Variants in SHISA9 observed in about 807,000 individuals in gnomAD.
The protein encoded by SHISA9 is shisa family member 9.
SHISA9 carries 13 observed loss-of-function variants against 38.0 expected under a neutral mutation model. The observed-to-expected ratio is 0.34, with a 90% confidence interval of 0.22 to 0.54. The LOEUF is 0.54. Among genes scored for constraint, SHISA9 ranks in the 20% least tolerant of loss-of-function variants. The pLI, the probability that SHISA9 is intolerant of heterozygous loss-of-function variation, is 0.91. For synonymous variants in SHISA9, 275 were observed against 242.0 expected, an observed-to-expected ratio of 1.14 and a Z score of -1.27; for missense variants, 538 against 575.8, an observed-to-expected ratio of 0.93 and a Z score of 0.67.
At chr16:13,533,916 T>C in the SHISA9 span, among the ~76,000 whole-genome samples, 2 of 151,830 alleles carry the variant, frequency 1.3e-5, no homozygotes, top group Admixed American at 6.6e-5. Flanking sequence ...CCTGAGTAGC[T>C]GGGACTACAG....
chr16:13,208,502 C>T (rs1438708), intron 3 of SHISA9, among the ~76,000 whole-genome samples: 38,612 of 143,006 alleles, frequency 0.27, 5,864 homozygotes, highest in African/African-American at 0.43. Context: ...AGTGCCATGG[C>T]GCAATCTCGG....
intron 2 of SHISA9, among the ~76,000 whole-genome samples, chr16:12,977,029 C>A (rs1596560788): frequency 6.6e-6 from 1 of 152,142 alleles, no homozygotes; most frequent in Non-Finnish European, 1.5e-5. Context: ...GCAGAGAATG[C>A]CTTGGACACT....
intron 2 of SHISA9, among the ~76,000 whole-genome samples, chr16:12,943,105 A>G (rs771163464): frequency 2.0e-5 from 3 of 152,096 alleles, no homozygotes; most frequent in Non-Finnish European, 4.4e-5. Flanking sequence ...TGGAAAGTCC[A>G]TGATTGGGCT....
the SHISA9 span, among the ~76,000 whole-genome samples, chr16:13,299,700 G>A: frequency 2.1e-5 from 3 of 141,708 alleles, no homozygotes; most frequent in East Asian, 4.2e-4. Context: ...GCGACAGAGT[G>A]AGCCTCTGTC....
the SHISA9 span, among the ~76,000 whole-genome samples, chr16:13,256,486 G>A: frequency 1.3e-5 from 2 of 152,114 alleles, no homozygotes; most frequent in Admixed American, 6.6e-5. Context: ...TTCCGTGTTG[G>A]TCAGGCTGGT....
At chr16:13,345,246 CT>C in the SHISA9 span, among the ~76,000 whole-genome samples, 1 of 151,958 alleles carries the variant, frequency 6.6e-6, no homozygotes. Context: ...TTTCCTGATC[CT>C]CTCCCTCCTC....
the SHISA9 span, among the ~76,000 whole-genome samples, chr16:13,489,381 T>C: frequency 1.3e-5 from 2 of 152,158 alleles, no homozygotes; most frequent in Non-Finnish European, 2.9e-5. Context: ...TGTATCTCTG[T>C]TGTTAAGCGA....
rs188055680 is a variant in SHISA9 at position 13,228,112 on chromosome 16, A to T, written c.896-6918A>T. 3.3e-5 allele frequency among the ~76,000 whole-genome samples: 5 copies of T among 152,360 alleles called. No homozygotes were observed. The East Asian group carries it at 9.6e-4, about 29-fold the overall frequency. ...TATTATCCCCATTTCACACCTAAGG[A>T]AACAGGCATAAATGGTTAAGTGGTG... On this transcript the variant is annotated intron_variant, in intron 4 of 4. Transcript: ENST00000558583.
At chr16:13,344,962 G>T in the SHISA9 span, among the ~76,000 whole-genome samples, 4 of 152,208 alleles carry the variant, frequency 2.6e-5, no homozygotes, top group South Asian at 8.3e-4. Context: ...GTCTCCAAGG[G>T]CCTGCAACAT....
At chr16:13,147,741 G>A (rs115131448) in intron 2 of SHISA9, among the ~76,000 whole-genome samples, 3,979 of 152,270 alleles carry the variant, frequency 0.026, 165 homozygotes, top group African/African-American at 0.089. Context: ...GACTATAGGC[G>A]TAAGCCACCA....
chr16:13,231,023 G>A (rs1478122759), intron 4 of SHISA9, among the ~76,000 whole-genome samples: 1 of 152,178 alleles, frequency 6.6e-6, no homozygotes, highest in Non-Finnish European at 1.5e-5. Context: ...CTTGTGCCAG[G>A]CTTCTGTCTC....
the SHISA9 span, among the ~76,000 whole-genome samples, chr16:13,474,833 G>A: frequency 4.6e-5 from 7 of 152,084 alleles, no homozygotes; most frequent in African/African-American, 1.7e-4. Context: ...AGTGCAAAAG[G>A]CCTTGAATTG....
chr16:13,091,562 C>G (rs1422895429), intron 2 of SHISA9, among the ~76,000 whole-genome samples: 3 of 152,210 alleles, frequency 2.0e-5, no homozygotes, highest in Admixed American at 6.5e-5. Context: ...TCTTCAATCA[C>G]TGATACCCTT....
At chr16:13,376,634 T>C in the SHISA9 span, among the ~76,000 whole-genome samples, 918 of 152,324 alleles carry the variant, frequency 6.0e-3, 7 homozygotes, top group African/African-American at 0.018. Context: ...ATTAAATTTC[T>C]GTTTCCAGGG....
the SHISA9 span, among the ~76,000 whole-genome samples, chr16:13,499,839 G>T: frequency 5.9e-5 from 9 of 152,062 alleles, no homozygotes; most frequent in African/African-American, 2.2e-4. Flanking sequence ...TTGTCCTTGC[G>T]CAGGGGCAGT....
chr16:12,984,812 G>A (rs2072285483), intron 2 of SHISA9, among the ~76,000 whole-genome samples: 1 of 152,128 alleles, frequency 6.6e-6, no homozygotes, highest in African/African-American at 2.4e-5. Flanking sequence ...GGATTCTGGT[G>A]GGCTGCTGGA....
At chr16:13,549,600 C>G in the SHISA9 span, among the ~76,000 whole-genome samples, 1 of 152,020 alleles carries the variant, frequency 6.6e-6, no homozygotes, top group Non-Finnish European at 1.5e-5. Context: ...TCTGCACACC[C>G]CTTAGGTCAG....
the SHISA9 span, among the ~76,000 whole-genome samples, chr16:13,472,376 AATTTTTT>A: frequency 3.5e-5 from 4 of 113,436 alleles, no homozygotes; most frequent in African/African-American, 1.4e-4. Flanking sequence ...CGCTCTGCTA[AATTTTTT>A]TTTTTTTTTT....
At chr16:13,502,167 TAA>T in the SHISA9 span, among the ~76,000 whole-genome samples, 4 of 152,286 alleles carry the variant, frequency 2.6e-5, no homozygotes, top group African/African-American at 9.6e-5. Context: ...GTCATATTTG[TAA>T]AGATTGCCTA....
Sources: gnomAD v4.1 joint callset for allele counts (sites outside exome capture counted in the v4.1 genomes callset) on GRCh38, gnomAD v4.1.1 for gene constraint, MANE v1.5 for transcripts, NCBI Gene and HGNC (gene_info 2026-07-23, HGNC 2026-07-21) for gene names.